TXNDC11: variants seen among roughly 807,000 people sequenced by gnomAD.
TXNDC11 encodes thioredoxin domain-containing protein 11.
Under a neutral mutation model 78.0 loss-of-function variants are expected in TXNDC11, and 68 were observed. The ratio of observed to expected loss-of-function variants is 0.87; its 90% CI spans 0.72 to 1.07. The LOEUF (loss-of-function observed/expected upper bound fraction) is 1.07. TXNDC11 is among the 50% of genes least tolerant of loss of function. TXNDC11 has a pLI of 0.00. For synonymous variants in TXNDC11, 571 were observed against 495.2 expected (o/e 1.15, Z -2.03); for missense variants, 1,389 against 1,221.8 (o/e 1.14, Z -2.04).
chr16:11,721,363 C>A (rs1230459567), intron 5 of TXNDC11: 3 of 303,762 alleles, frequency 9.9e-6, no homozygotes, highest in Non-Finnish European at 1.9e-5. Flanking sequence ...ATCGCTTGAA[C>A]CCGGGAGGCA....
intron 8 of TXNDC11, 79 bp downstream of exon 8, chr16:11,691,211 T>G: frequency 8.2e-5 from 100 of 1,213,748 alleles, no homozygotes; most frequent in Non-Finnish European, 1.1e-4. Flanking sequence ...CTAAATGTAA[T>G]GAGAGCCATC....
At chr16:11,736,314 A>G in intron 1 of TXNDC11, 81 bp from the exon 2 acceptor site, 1 of 1,173,746 alleles carries the variant, frequency 8.5e-7, no homozygotes, top group Admixed American at 2.1e-5. Context: ...ATGAAGCTTA[A>G]AAGGAAAATC....
At chr16:11,702,213 T>C (rs1408938810) in intron 5 of TXNDC11, among the ~76,000 whole-genome samples, 2 of 152,082 alleles carry the variant, frequency 1.3e-5, no homozygotes, top group African/African-American at 2.4e-5. Flanking sequence ...AACAGGGACC[T>C]TATCCTTATG....
At chr16:11,730,856 C>A (rs1597490341) in intron 3 of TXNDC11, 82 bp from the exon 4 acceptor site, 4 of 1,041,130 alleles carry the variant, frequency 3.8e-6, no homozygotes, top group Non-Finnish European at 5.2e-6. Flanking sequence ...TAACTAAAAT[C>A]ATCACCACCA....
In TXNDC11 at chr16:11,702,524, C is replaced by T. The variant is rs574169239; in HGVS notation, c.794-1960G>A. ...CTCTACTAAAAATATAAAAATTATC[C>T]GGGTGTGTTGTGGTGGGCACCTGTA... On this transcript the variant is annotated intron_variant, in intron 5 of 11. Transcript: ENST00000283033. 2.8e-3 allele frequency among the ~76,000 whole-genome samples: 428 copies of T among 151,930 alleles called. 3 individuals are homozygous for T. Among genetic ancestry groups the T allele is most frequent in the African/African-American group, 9.8e-3 (406 of 41,422 alleles).
chr16:11,683,065 G>C (rs1459838664), intron 11 of TXNDC11, among the ~76,000 whole-genome samples: 1 of 152,172 alleles, frequency 6.6e-6, no homozygotes, highest in African/African-American at 2.4e-5. Flanking sequence ...AAAGTCATGT[G>C]AGTGGGTCCC....
chr16:11,733,502 G>C (rs770575153), intron 3 of TXNDC11, among the ~76,000 whole-genome samples: 21 of 151,918 alleles, frequency 1.4e-4, no homozygotes, highest in Non-Finnish European at 1.0e-4. Flanking sequence ...ACTCCAGCCT[G>C]GGCAACAGAG....
At chr16:11,741,583 T>C (rs1299873544) in intron 1 of TXNDC11, among the ~76,000 whole-genome samples, 1 of 152,190 alleles carries the variant, frequency 6.6e-6, no homozygotes, top group Non-Finnish European at 1.5e-5. Flanking sequence ...CAAATGTCAC[T>C]TCCTTAGGAA....
intron 1 of TXNDC11, among the ~76,000 whole-genome samples, chr16:11,740,017 ACC>A (rs1246243654): frequency 6.6e-6 from 1 of 151,910 alleles, no homozygotes; most frequent in African/African-American, 2.4e-5. Flanking sequence ...ACATGGTGAA[ACC>A]CCGTCTCTAC....
chr16:11,700,559 G>T lies in TXNDC11; in HGVS notation c.799C>A (p.Leu267Ile). 1 of 1,570,514 alleles carries T rather than the reference G, an allele frequency of 6.4e-7. No individual in the cohort carries two copies. The highest frequency in any genetic ancestry group is 8.8e-7 in the Non-Finnish European group (1 of 1,142,508). Residue 267 changes from leucine (L) to isoleucine (I), a missense_variant, in exon 6 of 12, where the codon CTA becomes ATA. Physicochemically the swap from Leu to Ile is conservative, Grantham distance 5 (BLOSUM62 2). Coordinates refer to ENST00000283033, the MANE Select transcript of TXNDC11 (RefSeq NM_015914.7). Reference sequence around the variant, plus strand: ...ATAACCCCAAATCGTACTGTTCCTAGGTAATCTGAAACAGAAAATTTTCCT... The same window carrying T: ...ATAACCCCAAATCGTACTGTTCCTATGTAATCTGAAACAGAAAATTTTCCT... ...SALHSLKKDYLGTVRFGVITN... is the reference protein window; with the variant it reads ...SALHSLKKDYIGTVRFGVITN...
intron 5 of TXNDC11, among the ~76,000 whole-genome samples, chr16:11,720,928 G>A (rs996923563): frequency 1.6e-4 from 24 of 151,522 alleles, no homozygotes; most frequent in Admixed American, 4.6e-4. Flanking sequence ...TCCTTGTAGA[G>A]ACGGAGTTTT....
intron 4 of TXNDC11, among the ~76,000 whole-genome samples, chr16:11,726,444 G>C (rs1451962734): frequency 6.6e-6 from 1 of 151,864 alleles, no homozygotes; most frequent in African/African-American, 2.4e-5. Context: ...AACCGGGCAT[G>C]GTGGCACATG....
rs200615912 is a variant in TXNDC11 at position 11,726,224 on chromosome 16, C to T, written c.699+4421G>A. ...ACATAAAACCATGGTTAATGATTAGCGCAATGTGATATTGGTAGGTCTGAG... is the reference window on the plus strand; with the variant it reads ...ACATAAAACCATGGTTAATGATTAGTGCAATGTGATATTGGTAGGTCTGAG... On this transcript the variant is annotated intron_variant, in intron 4 of 11. Coordinates refer to ENST00000283033, the MANE Select transcript of TXNDC11 (RefSeq NM_015914.7). 1.4e-4 allele frequency among the ~76,000 whole-genome samples: 6 copies of T among 42,996 alleles called. No individual in the cohort carries two copies. The South Asian group carries it at 1.6e-3, about 11-fold the overall frequency. 28.2% of individuals were successfully genotyped at this position (42,996 alleles called of 152,430 possible). A position where few individuals can be genotyped will look rare whatever the true frequency, so the allele number is the denominator to read the frequency against.
chr16:11,698,350 A>G (rs751328250), intron 6 of TXNDC11, 25 bp from the exon 7 acceptor site: 3 of 1,607,604 alleles, frequency 1.9e-6, no homozygotes, highest in South Asian at 1.1e-5. Flanking sequence ...GGCACAGAGG[A>G]TAAAGGAGAG....
At chr16:11,719,183 C>A (rs988713779) in intron 5 of TXNDC11, among the ~76,000 whole-genome samples, 6 of 152,194 alleles carry the variant, frequency 3.9e-5, no homozygotes, top group African/African-American at 1.4e-4. Context: ...CTTCAGCTCA[C>A]AAACTTGAAT....
In TXNDC11 at chr16:11,691,444, G is replaced by C; in HGVS notation, c.1746C>G (p.Ile582Met). Reference protein sequence around the residue: ...LSCRTNKTLNIYLLDSNLFWL... With the variant: ...LSCRTNKTLNMYLLDSNLFWL... ...AAAACAAATTTGAATCCAAAAGGTA[G>C]ATGTTGAGAGTCTTGTTGGTTCTGC... is the stretch of plus-strand genomic sequence containing the variant. Residue 582 changes from isoleucine (I) to methionine (M), a missense_variant, in exon 8 of 12, where the codon ATC (isoleucine) becomes ATG (methionine). Physicochemically the swap from Ile to Met is conservative, Grantham distance 10 (BLOSUM62 1). Coordinates refer to ENST00000283033, the MANE Select transcript of TXNDC11 (RefSeq NM_015914.7). The C allele has an allele frequency of 6.2e-7, 1 of 1,614,242 alleles. No homozygotes were observed. Among genetic ancestry groups the C allele is most frequent in the Non-Finnish European group, 8.5e-7 (1 of 1,180,040 alleles).
intron 11 of TXNDC11, among the ~76,000 whole-genome samples, chr16:11,683,568 C>T (rs2050487334): frequency 7.9e-6 from 1 of 127,166 alleles, no homozygotes; most frequent in Non-Finnish European, 1.9e-5. Context: ...CCAGCCAGGG[C>T]AACAGAAGAA....
chr16:11,679,467 C>A lies in TXNDC11; in HGVS notation c.2605G>T (p.Glu869Ter). ...LQALYEQKTR[E>*]LQELARKLQE... ...AGCTTGCGGGCCAGCTCCTGCAGCT[C>A]ACGTGTCTTCTGCTCATAGAGGGCC... Residue 869 changes from glutamate (E) to a stop codon, truncating the protein, a stop_gained, in exon 12 of 12, where the codon GAG becomes TAG. Transcript: ENST00000283033. LOFTEE classifies it low-confidence loss of function (END_TRUNC). This position sits in a 1 kb window ranked among gnomAD's most constrained non-coding sequence, Gnocchi z 4.6. 6.2e-7 allele frequency: 1 copy of A among 1,613,714 alleles called. No homozygotes were observed. Among genetic ancestry groups the A allele is most frequent in the Non-Finnish European group, 8.5e-7 (1 of 1,180,022 alleles).
intron 5 of TXNDC11, among the ~76,000 whole-genome samples, chr16:11,706,397 G>T (rs546106280): frequency 7.2e-5 from 11 of 152,332 alleles, no homozygotes; most frequent in Admixed American, 2.0e-4. Flanking sequence ...CCCTGTGATC[G>T]TCGGCTACAA....
Sources: allele counts gnomAD v4.1 joint callset (sites outside exome capture counted in the v4.1 genomes callset), GRCh38; gene constraint gnomAD v4.1.1; non-coding constraint Gnocchi (gnomAD v3.1); transcripts MANE v1.5; gene names NCBI Gene and HGNC (gene_info 2026-07-23, HGNC 2026-07-21).